PIEZO2: variants seen among roughly 807,000 people sequenced by gnomAD.
The protein encoded by PIEZO2 is piezo type mechanosensitive ion channel component 2.
A neutral mutation model predicts 337.3 loss-of-function variants in PIEZO2; 172 were observed. The ratio of observed to expected loss-of-function variants is 0.51; its 90% confidence interval spans 0.45 to 0.58. The LOEUF is 0.58. PIEZO2 is among the 20% of genes least tolerant of loss of function. The pLI, the probability that PIEZO2 is intolerant of heterozygous loss-of-function variation, is 0.00. For synonymous variants in PIEZO2, 1,251 were observed against 1,228.5 expected (o/e 1.02, Z -0.38); for missense variants, 3,028 against 3,391.3 (o/e 0.89, Z 2.66).
intron 29 of PIEZO2, among the ~76,000 whole-genome samples, chr18:10,749,505 G>C (rs1451178031): frequency 6.6e-6 from 1 of 152,080 alleles, no homozygotes; most frequent in Non-Finnish European, 1.5e-5. Flanking sequence ...TAAATAAATA[G>C]AGAGAGCACT....
At chr18:11,117,299 T>A (rs912831847) in intron 1 of PIEZO2, among the ~76,000 whole-genome samples, 1 of 152,160 alleles carries the variant, frequency 6.6e-6, no homozygotes, top group Non-Finnish European at 1.5e-5. Context: ...TCAATAAAAA[T>A]CAAATAAATC....
intron 7 of PIEZO2, among the ~76,000 whole-genome samples, chr18:10,818,617 A>T (rs1320219194): frequency 6.6e-6 from 1 of 152,234 alleles, no homozygotes; most frequent in African/African-American, 2.4e-5. Flanking sequence ...AGAATTTGCT[A>T]AATCACTAAA....
chr18:10,919,989 T>G (rs1171731947), intron 3 of PIEZO2, among the ~76,000 whole-genome samples: 3 of 152,142 alleles, frequency 2.0e-5, no homozygotes, highest in Admixed American at 2.0e-4. Context: ...TAGTGTTGTA[T>G]GTGTATGTCT....
intron 7 of PIEZO2, among the ~76,000 whole-genome samples, chr18:10,823,014 G>A (rs2040565928): frequency 6.6e-6 from 1 of 152,146 alleles, no homozygotes; most frequent in African/African-American, 2.4e-5. Context: ...ATACTAAGAT[G>A]ATTTGAAAAT....
At chr18:10,884,002 G>A (rs1345178698) in intron 4 of PIEZO2, among the ~76,000 whole-genome samples, 1 of 151,830 alleles carries the variant, frequency 6.6e-6, no homozygotes, top group Non-Finnish European at 1.5e-5. Context: ...TAGTAGATAC[G>A]GGGTTTCACT....
At chr18:10,886,329 T>TATATATATATATATATATACATATAC (rs1568165051) in intron 4 of PIEZO2, among the ~76,000 whole-genome samples, 2 of 14,386 alleles carry the variant, frequency 1.4e-4, no homozygotes, top group African/African-American at 4.7e-4. Context: ...CATACATATA[T>TATATATATATATATATATACATATAC]ATATATATAT....
intron 39 of PIEZO2, among the ~76,000 whole-genome samples, chr18:10,712,427 C>T (rs2035857392): frequency 6.6e-6 from 1 of 152,102 alleles, no homozygotes. Flanking sequence ...ATACAATGAT[C>T]AATAGATAGG....
Position 10,762,487 on chromosome 18 carries a change from A to T in PIEZO2, c.3249+13T>A. 6.5e-7 allele frequency: 1 copy of T among 1,536,108 alleles called. No individual in the cohort carries two copies. The highest frequency in any genetic ancestry group is 8.7e-7 in the Non-Finnish European group (1 of 1,146,634). The stretch of plus-strand genomic sequence containing the variant: ...GGAGTGGAGGCCCAAACTAAGCACG[A>T]CAAAGCCATTACCCTCAGGTAGACT... On this transcript the variant is annotated intron_variant, in intron 23 of 55. Transcript: ENST00000674853.
intron 2 of PIEZO2, among the ~76,000 whole-genome samples, chr18:11,014,044 G>T (rs2035996222): frequency 6.6e-6 from 1 of 152,246 alleles, no homozygotes; most frequent in African/African-American, 2.4e-5. Context: ...GGTCATGAAT[G>T]TAGACACTGT....
intron 2 of PIEZO2, among the ~76,000 whole-genome samples, chr18:11,025,086 T>G (rs2145733323): frequency 6.6e-6 from 1 of 152,206 alleles, no homozygotes; most frequent in Non-Finnish European, 1.5e-5. Context: ...TGGAGTGCAC[T>G]GATTAGGAAT....
chr18:10,959,313 C>A (rs77428588), intron 3 of PIEZO2, among the ~76,000 whole-genome samples: 1,702 of 152,262 alleles, frequency 0.011, 36 homozygotes, highest in African/African-American at 0.038. Context: ...GAGATTTCAT[C>A]AAAAACTTCA....
At chr18:10,851,677 TA>T (rs2041557503) in intron 7 of PIEZO2, among the ~76,000 whole-genome samples, 2 of 152,282 alleles carry the variant, frequency 1.3e-5, no homozygotes, top group Admixed American at 1.3e-4. Flanking sequence ...GGGAAAAATT[TA>T]AAAAAATTTT....
At position 11,031,751 on chromosome 18, in the gene PIEZO2, C is replaced by T. The variant is rs550026826; in HGVS notation, c.160+34376G>A. 6.6e-6 allele frequency among the ~76,000 whole-genome samples: 1 copy of T among 152,218 alleles called. No homozygotes were observed. The highest frequency in any genetic ancestry group is 1.9e-4 in the East Asian group (1 of 5,168). On this transcript the variant is annotated intron_variant, in intron 2 of 55. Coordinates refer to ENST00000674853, the MANE Select transcript of PIEZO2 (RefSeq NM_001378183.1). This position sits in a 1 kb window ranked among gnomAD's most constrained non-coding sequence, Gnocchi z 4.7. ...ACTTACCCTTGGTTGTAAGTTGATT[C>T]CATGGTCCCTGGGGCAAAAGTTGAG...
intron 30 of PIEZO2, among the ~76,000 whole-genome samples, chr18:10,745,563 T>C (rs1232530559): frequency 2.0e-5 from 3 of 152,166 alleles, no homozygotes; most frequent in African/African-American, 4.8e-5. Context: ...ATATAACCTA[T>C]GTGATGGACT....
chr18:11,008,654 T>A (rs575725793), intron 2 of PIEZO2, among the ~76,000 whole-genome samples: 1 of 152,216 alleles, frequency 6.6e-6, no homozygotes, highest in African/African-American at 2.4e-5. Flanking sequence ...TGGTCCAAAG[T>A]TCCATCTTCT....
rs2035617726 is a variant in PIEZO2, at chr18:10,707,081, T to A, written c.5588+1194A>T. ...GTTCAGAATCCCCAGGGCTGTGTCC[T>A]TGAGTGCGCACATCATGTACGGGCT... is the stretch of plus-strand genomic sequence containing the variant. On this transcript the variant is annotated intron_variant, in intron 40 of 55. Transcript: ENST00000674853. The surrounding 1 kb of genome is among the most constrained non-coding windows in gnomAD (Gnocchi z 4.2). Among the ~76,000 whole-genome samples, 2 of 152,182 alleles carry A rather than the reference T, an allele frequency of 1.3e-5. No individual in the cohort carries two copies. The highest frequency in any genetic ancestry group is 2.1e-4 in the South Asian group (1 of 4,832).
chr18:10,774,193 G>A (rs1422816955), intron 18 of PIEZO2, among the ~76,000 whole-genome samples, 155 bp from the exon 19 acceptor site: 2 of 152,146 alleles, frequency 1.3e-5, no homozygotes, highest in African/African-American at 4.8e-5. Flanking sequence ...TGCATTCCAG[G>A]GTGGCATCAA....
At chr18:10,681,268 C>T (rs748436009) in intron 51 of PIEZO2, among the ~76,000 whole-genome samples, 44 of 152,154 alleles carry the variant, frequency 2.9e-4, no homozygotes, top group African/African-American at 1.0e-3. Flanking sequence ...TTTGCTGAAC[C>T]GCAAATTGCC....
intron 2 of PIEZO2, among the ~76,000 whole-genome samples, chr18:10,991,709 T>C (rs1414696531): frequency 1.3e-5 from 2 of 152,196 alleles, no homozygotes; most frequent in Non-Finnish European, 2.9e-5. Flanking sequence ...TGTATCTGTA[T>C]ACTAGAATGA....
Sources: allele counts gnomAD v4.1 joint callset (sites outside exome capture counted in the v4.1 genomes callset), GRCh38; gene constraint gnomAD v4.1.1; non-coding constraint Gnocchi (gnomAD v3.1); transcripts MANE v1.5; gene names NCBI Gene and HGNC (gene_info 2026-07-23, HGNC 2026-07-21).